Variants in PTPN3 observed in about 807,000 individuals in gnomAD.
The protein encoded by PTPN3 is protein tyrosine phosphatase non-receptor type 3.
PTPN3 carries 96 observed loss-of-function variants against 132.7 expected under a neutral mutation model. The observed-to-expected ratio is 0.72, with a 90% confidence interval of 0.61 to 0.86. The LOEUF is 0.86. PTPN3 is among the 40% of genes least tolerant of loss of function. The probability of loss-of-function intolerance (pLI) is 0.00; values close to 1 mark genes in which losing one functional copy is unlikely to be tolerated. For missense variants in PTPN3, 1,125 were observed against 1,159.6 expected (o/e 0.97, Z 0.43); for synonymous variants, 398 against 429.0 (o/e 0.93, Z 0.89).
chr9:109,525,234 T>G, the PTPN3 span, among the ~76,000 whole-genome samples: 1 of 152,008 alleles, frequency 6.6e-6, no homozygotes. Flanking sequence ...AAAAAAAATG[T>G]TTTTGTAGAA....
chr9:109,444,290 T>C (rs971779304), intron 7 of PTPN3, among the ~76,000 whole-genome samples: 1 of 152,198 alleles, frequency 6.6e-6, no homozygotes, highest in African/African-American at 2.4e-5. Flanking sequence ...CATTTTGCTC[T>C]CATCTGGCTA....
In PTPN3 at chr9:109,454,480, A is replaced by T. The variant is rs370000236; in HGVS notation, c.368+16T>A. The T allele has an allele frequency of 1.5e-5, 24 of 1,602,016 alleles. No homozygotes were observed. The African/African-American group carries it at 2.0e-4, about 13-fold the overall frequency. ...TTTTATACACTAAACAGAAAACTTT[A>T]AAAAAATGTTGTTACCTGGTTTGTT... On this transcript the variant is annotated intron_variant, in intron 5 of 25. Transcript: ENST00000374541.
At chr9:109,422,934 A>G in intron 12 of PTPN3, 82 bp from the exon 13 acceptor site, 4 of 1,511,302 alleles carry the variant, frequency 2.6e-6, no homozygotes, top group African/African-American at 1.4e-5. Flanking sequence ...CAGTCTACAC[A>G]TGCTTCTTGT....
chr9:109,402,852 C>T (rs905631900), intron 19 of PTPN3, among the ~76,000 whole-genome samples: 13 of 152,118 alleles, frequency 8.5e-5, no homozygotes, highest in African/African-American at 2.9e-4. Context: ...AGGTGGCTTG[C>T]TTCAGCCCAG....
rs886594646 is a variant in PTPN3, at chr9:109,378,285, C to G, written c.*1271G>C. The G allele has an allele frequency of 2.0e-5, 3 of 152,408 alleles. No individual in the cohort carries two copies. Among genetic ancestry groups the G allele is most frequent in the African/African-American group, 7.2e-5 (3 of 41,412 alleles). 9.4% of individuals were successfully genotyped at this position (152,408 alleles called of 1,614,324 possible). A position where few individuals can be genotyped will look rare whatever the true frequency, so the allele number is the denominator to read the frequency against. On this transcript the variant is annotated 3_prime_UTR_variant, in exon 26 of 26. Transcript: ENST00000374541. ...CCTTAAATAATAATTTGCTACAATC[C>G]TGTCACAAATTTAAAAAAATTTAAC...
chr9:109,491,370 G>A (rs1050520061), intron 1 of PTPN3, among the ~76,000 whole-genome samples: 1 of 152,052 alleles, frequency 6.6e-6, no homozygotes, highest in South Asian at 2.1e-4. Flanking sequence ...AAATGGTTCA[G>A]GATAGATATA....
chr9:109,465,566 G>T (rs923454566), intron 1 of PTPN3, among the ~76,000 whole-genome samples: 6 of 152,016 alleles, frequency 3.9e-5, no homozygotes, highest in African/African-American at 1.2e-4. Flanking sequence ...AAAATTAGCT[G>T]GGCACGGTGG....
chr9:109,384,279 ACT>A, intron 22 of PTPN3, among the ~76,000 whole-genome samples: 1 of 152,280 alleles, frequency 6.6e-6, no homozygotes, highest in South Asian at 2.1e-4. Flanking sequence ...AGATTAAGGG[ACT>A]CACAAATCGA....
chr9:109,434,232 C>G (rs986907544), intron 9 of PTPN3, among the ~76,000 whole-genome samples: 7 of 152,138 alleles, frequency 4.6e-5, no homozygotes, highest in African/African-American at 1.7e-4. Flanking sequence ...CAGCCTCAAC[C>G]TCCTGGGCTC....
intron 14 of PTPN3, chr9:109,417,735 A>C: frequency 2.0e-6 from 2 of 985,348 alleles, no homozygotes; most frequent in Non-Finnish European, 2.4e-6. Flanking sequence ...CCACTTGCAG[A>C]GCACAGTCAC....
chr9:109,402,717 C>CAT (rs1367248648), intron 19 of PTPN3, among the ~76,000 whole-genome samples: 1 of 102,836 alleles, frequency 9.7e-6, no homozygotes, highest in Non-Finnish European at 1.9e-5. Flanking sequence ...CCCTTTTATC[C>CAT]AGACTTCATT....
Position 109,381,651 on chromosome 9 carries a change from C to T in PTPN3, c.2664+1G>A. 1 of 1,614,194 alleles carries T rather than the reference C, an allele frequency of 6.2e-7. No homozygotes were observed. On this transcript the variant is annotated splice_donor_variant, in intron 25 of 25. Transcript: ENST00000374541. LOFTEE classifies it high-confidence loss of function. ...ACCGTAATTACTGGATTTCTACTCA[C>T]TGATGTCTGCACCATCATGGCGCGC...
chr9:109,466,349 A>C (rs2132057383), intron 1 of PTPN3, among the ~76,000 whole-genome samples: 1 of 152,360 alleles, frequency 6.6e-6, no homozygotes, highest in African/African-American at 2.4e-5. Context: ...GGGTCTAAGT[A>C]GAATGTAGCT....
At chr9:109,495,540 G>C (rs1167867546) in intron 1 of PTPN3, among the ~76,000 whole-genome samples, 1 of 152,118 alleles carries the variant, frequency 6.6e-6, no homozygotes, top group African/African-American at 2.4e-5. Flanking sequence ...CTCTACCTTT[G>C]CCAGCTCAGT....
chr9:109,412,147 GTCTGTC>G (rs750362833), intron 14 of PTPN3, among the ~76,000 whole-genome samples: 22 of 152,116 alleles, frequency 1.4e-4, no homozygotes, highest in East Asian at 1.2e-3. Flanking sequence ...TTCTCGTTCT[GTCTGTC>G]TCTGTCTCTG....
In PTPN3 at chr9:109,493,622, T is replaced by C. The variant is rs192300213; in HGVS notation, c.-18+4597A>G. ...TCAGTATCCAAACACTTCTCAGGCC[T>C]CCTCTTGCACAAAGCAGTGGCACAC... On this transcript the variant is annotated intron_variant, in intron 1 of 25. Transcript: ENST00000374541. Among the ~76,000 whole-genome samples, 178 of 152,336 alleles carry C rather than the reference T, an allele frequency of 1.2e-3. 4 individuals are homozygous for C. The East Asian group carries it at 0.025, about 22-fold the overall frequency.
intron 13 of PTPN3, 98 bp downstream of exon 13, chr9:109,422,620 C>T: frequency 7.4e-7 from 1 of 1,356,536 alleles, no homozygotes; most frequent in Non-Finnish European, 9.9e-7. Flanking sequence ...AATTGTAGGT[C>T]ATCTATCTTT....
intron 16 of PTPN3, among the ~76,000 whole-genome samples, chr9:109,408,803 ATATAT>A (rs1841814337): frequency 9.4e-6 from 1 of 106,790 alleles, no homozygotes; most frequent in Non-Finnish European, 2.1e-5. Flanking sequence ...AAAAATATAT[ATATAT>A]ATATATATAT....
intron 25 of PTPN3, 34 bp from the exon 26 acceptor site, chr9:109,379,667 G>C (rs1362116854): frequency 6.4e-7 from 1 of 1,566,808 alleles, no homozygotes; most frequent in Non-Finnish European, 8.8e-7. Context: ...AAGTCCTGTA[G>C]CTCCAGGAAA....
Sources: allele counts gnomAD v4.1 joint callset (sites outside exome capture counted in the v4.1 genomes callset), GRCh38; gene constraint gnomAD v4.1.1; transcripts MANE v1.5; gene names NCBI Gene and HGNC (gene_info 2026-07-23, HGNC 2026-07-21).